Variants in MND1 observed in about 807,000 individuals in gnomAD.
The protein encoded by MND1 is meiotic nuclear divisions 1, also known as meiotic nuclear division protein 1 homolog.
Under a neutral mutation model 35.1 loss-of-function variants are expected in MND1, and 28 were observed. The observed-to-expected ratio is 0.80, with a 90% CI of 0.59 to 1.09. MND1 has a LOEUF of 1.09. MND1 is among the 50% of genes least tolerant of loss of function. The pLI is 0.00. For missense variants in MND1, 213 were observed against 239.6 expected, an observed-to-expected ratio of 0.89 and a Z score of 0.73; for synonymous variants, 69 against 70.5, an observed-to-expected ratio of 0.98 and a Z score of 0.11.
chr4:153,356,029 C>A (rs7340984), intron 3 of MND1, among the ~76,000 whole-genome samples: 1 of 151,896 alleles, frequency 6.6e-6, no homozygotes, highest in Non-Finnish European at 1.5e-5. Context: ...GATAAGCTGG[C>A]TGGTAGCGCA....
chr4:153,379,303 AAGAAG>A (rs1728601038), intron 4 of MND1, among the ~76,000 whole-genome samples: 1 of 148,322 alleles, frequency 6.7e-6, no homozygotes, highest in Admixed American at 6.7e-5. Flanking sequence ...AAAAAAAAAA[AAGAAG>A]AAGAAGAAGA....
chr4:153,384,895 C>T (rs558724190), intron 4 of MND1, among the ~76,000 whole-genome samples: 4 of 152,290 alleles, frequency 2.6e-5, no homozygotes, highest in African/African-American at 9.6e-5. Context: ...GGAAATTTAA[C>T]CCTCTGGTTA....
intron 2 of MND1, among the ~76,000 whole-genome samples, chr4:153,351,595 T>C: frequency 6.6e-6 from 1 of 152,190 alleles, no homozygotes; most frequent in East Asian, 1.9e-4. Context: ...GAATATTAGA[T>C]TTGCTTCAAC....
intron 6 of MND1, among the ~76,000 whole-genome samples, chr4:153,408,545 C>G (rs903924464): frequency 6.6e-5 from 10 of 152,106 alleles, no homozygotes; most frequent in African/African-American, 2.2e-4. Context: ...TTTAGAGTCA[C>G]ACTTATTGTG....
At chr4:153,385,248 G>A (rs767275218) in intron 4 of MND1, among the ~76,000 whole-genome samples, 4 of 152,142 alleles carry the variant, frequency 2.6e-5, no homozygotes, top group Non-Finnish European at 5.9e-5. Context: ...TTTTAAATTT[G>A]ATATCTCCCG....
Position 153,350,043 on chromosome 4 carries a change from T to C in MND1, c.4-21T>C, listed in dbSNP as rs748666509. On this transcript the variant is annotated intron_variant, in intron 1 of 7. Coordinates refer to ENST00000240488, the MANE Select transcript of MND1 (RefSeq NM_032117.4). ...AAATGTGTTTAAAAGCATTGTTTAC[T>C]TGTTAATTTTTTTGCTTTAGTCAAA... is the stretch of plus-strand genomic sequence containing the variant. The C allele has an allele frequency of 4.6e-6, 7 of 1,536,860 alleles. No individual in the cohort carries two copies. In the South Asian group the frequency reaches 8.3e-5, roughly 18 times the overall value.
intron 4 of MND1, among the ~76,000 whole-genome samples, chr4:153,372,690 A>G (rs1266406455): frequency 6.6e-6 from 1 of 152,118 alleles, no homozygotes; most frequent in African/African-American, 2.4e-5. Flanking sequence ...ATTTCCTAGA[A>G]TTTTATATAG....
intron 3 of MND1, among the ~76,000 whole-genome samples, chr4:153,356,699 A>G (rs1773352433): frequency 6.6e-6 from 1 of 152,008 alleles, no homozygotes; most frequent in Non-Finnish European, 1.5e-5. Context: ...TTTGGTAGTC[A>G]AGTCATGTCT....
chr4:153,365,616 A>G (rs1476037540), intron 4 of MND1, among the ~76,000 whole-genome samples: 1 of 150,212 alleles, frequency 6.7e-6, no homozygotes, highest in South Asian at 2.1e-4. Context: ...TTTTCTTTTT[A>G]AGAGATGGGG....
intron 2 of MND1, among the ~76,000 whole-genome samples, chr4:153,351,771 G>T (rs1277371621): frequency 2.0e-5 from 3 of 152,124 alleles, no homozygotes; most frequent in African/African-American, 7.2e-5. Context: ...ATTTTCTATA[G>T]ATGTCAATAG....
At chr4:153,384,947 G>A (rs1231074700) in intron 4 of MND1, among the ~76,000 whole-genome samples, 2 of 152,162 alleles carry the variant, frequency 1.3e-5, no homozygotes, top group Non-Finnish European at 2.9e-5. Context: ...GCTTCACAGA[G>A]TGTTTTCTTT....
intron 4 of MND1, among the ~76,000 whole-genome samples, chr4:153,367,807 A>C (rs1278411399): frequency 6.6e-6 from 1 of 152,186 alleles, no homozygotes; most frequent in African/African-American, 2.4e-5. Flanking sequence ...TTCTGATAAC[A>C]GTGTGTTAGG....
intron 4 of MND1, among the ~76,000 whole-genome samples, chr4:153,373,909 C>T (rs773302231): frequency 2.6e-5 from 4 of 152,158 alleles, no homozygotes; most frequent in South Asian, 2.1e-4. Flanking sequence ...ATGAGAGTAT[C>T]ACCCTGTGCC....
chr4:153,358,896 G>T (rs1773411448), intron 4 of MND1, among the ~76,000 whole-genome samples: 1 of 152,058 alleles, frequency 6.6e-6, no homozygotes, highest in South Asian at 2.1e-4. Context: ...TTTGGAAGCA[G>T]TTTTAGACTT....
intron 2 of MND1, among the ~76,000 whole-genome samples, chr4:153,350,568 A>G (rs954296169): frequency 1.3e-5 from 2 of 152,212 alleles, no homozygotes; most frequent in South Asian, 2.1e-4. Context: ...AAGTCTGTCT[A>G]TAGTGTAACA....
In MND1 at chr4:153,415,030, A is replaced by G. The variant is rs1729798342; in HGVS notation, c.*173A>G. 1 of 379,776 alleles carries G rather than the reference A, an allele frequency of 2.6e-6. No individual in the cohort carries two copies. Among genetic ancestry groups the G allele is most frequent in the South Asian group, 8.7e-5 (1 of 11,488 alleles). 23.5% of individuals were successfully genotyped at this position (379,776 alleles called of 1,614,324 possible). ...TCACCCCTTTTGGTAGAACAAAAGC[A>G]GGATGATAACCATATCCCCCCAGTG... On this transcript the variant is annotated 3_prime_UTR_variant, in exon 8 of 8. Coordinates refer to ENST00000240488, the MANE Select transcript of MND1 (RefSeq NM_032117.4).
At chr4:153,344,652 C>T (rs755345156), upstream of MND1, 8 of 1,258,376 alleles carry the variant, frequency 6.4e-6, no homozygotes, top group African/African-American at 1.6e-5. Flanking sequence ...GCGGCGTAGT[C>T]GGCGCCAAAA....
chr4:153,408,481 A>G (rs1729582673), intron 6 of MND1, among the ~76,000 whole-genome samples: 1 of 147,132 alleles, frequency 6.8e-6, no homozygotes, highest in Non-Finnish European at 1.5e-5. Context: ...GTGTATTTAA[A>G]GTAAAAGTAA....
intron 2 of MND1, among the ~76,000 whole-genome samples, chr4:153,354,568 T>G (rs1441718260): frequency 6.6e-6 from 1 of 152,150 alleles, no homozygotes; most frequent in East Asian, 1.9e-4. Flanking sequence ...AGTGGCACAG[T>G]CATAGCTTAC....
Sources: allele counts gnomAD v4.1 joint callset (sites outside exome capture counted in the v4.1 genomes callset), GRCh38; gene constraint gnomAD v4.1.1; transcripts MANE v1.5; gene names NCBI Gene and HGNC (gene_info 2026-07-23, HGNC 2026-07-21).